PPM1H: variants seen among roughly 807,000 people sequenced by gnomAD.
The protein encoded by PPM1H is protein phosphatase, Mg2+/Mn2+ dependent 1H, also known as protein phosphatase 1H.
PPM1H carries 27 observed loss-of-function variants against 54.9 expected under a neutral mutation model. The ratio of observed to expected loss-of-function variants is 0.49; its 90% CI spans 0.36 to 0.68. The LOEUF is 0.68. Among genes scored for constraint, PPM1H ranks in the 30% least tolerant of loss-of-function variants. The probability of loss-of-function intolerance (pLI) is 0.00; values close to 1 mark genes in which losing one functional copy is unlikely to be tolerated. For synonymous variants in PPM1H, 305 were observed against 270.8 expected, an observed-to-expected ratio of 1.13 and a Z score of -1.24; for missense variants, 596 against 667.8, an observed-to-expected ratio of 0.89 and a Z score of 1.19.
At chr12:62,830,187 T>C (rs1461384286) in intron 2 of PPM1H, among the ~76,000 whole-genome samples, 1 of 152,240 alleles carries the variant, frequency 6.6e-6, no homozygotes, top group Non-Finnish European at 1.5e-5. Flanking sequence ...GGAGTTCATA[T>C]TTCCAATCAG....
intron 1 of PPM1H, among the ~76,000 whole-genome samples, chr12:62,891,104 CAAA>C (rs71450596): frequency 3.9e-5 from 3 of 76,102 alleles, no homozygotes; most frequent in Admixed American, 1.5e-4. Context: ...GCAAGACTCT[CAAA>C]AAAAAAAAAA....
chr12:62,709,959 A>C (rs1042228998), intron 6 of PPM1H, among the ~76,000 whole-genome samples: 1 of 151,986 alleles, frequency 6.6e-6, no homozygotes, highest in Non-Finnish European at 1.5e-5. Context: ...AATCCCAGCT[A>C]CTCGGGAGGC....
intron 4 of PPM1H, among the ~76,000 whole-genome samples, chr12:62,746,895 TG>T (rs1323417448): frequency 6.6e-6 from 1 of 152,254 alleles, no homozygotes; most frequent in Non-Finnish European, 1.5e-5. Context: ...ACTGTGTCAC[TG>T]GCTACAGCTA....
chr12:62,687,541 A>G lies in PPM1H; in HGVS notation c.1245+2158T>C, dbSNP rs115549599. The stretch of plus-strand genomic sequence containing the variant: ...GCTGGGATTACAGGTATGAGCCACC[A>G]TAGCCGGCCTTCTTGCAGTACTTTT... On this transcript the variant is annotated intron_variant, in intron 8 of 9. Transcript: ENST00000228705. Among the ~76,000 whole-genome samples, 1,358 of 149,828 alleles carry G rather than the reference A, an allele frequency of 9.1e-3. 25 individuals carry two copies. Among genetic ancestry groups the G allele is most frequent in the African/African-American group, 0.031 (1,282 of 40,874 alleles).
At chr12:62,655,534 G>T (rs1473100037) in intron 9 of PPM1H, among the ~76,000 whole-genome samples, 1 of 152,192 alleles carries the variant, frequency 6.6e-6, no homozygotes, top group East Asian at 1.9e-4. Flanking sequence ...GAACACAAGG[G>T]CATTTAGGTG....
chr12:62,852,228 CAAA>C (rs59673617), intron 1 of PPM1H, among the ~76,000 whole-genome samples: 23 of 60,402 alleles, frequency 3.8e-4, no homozygotes, highest in African/African-American at 1.3e-3. Flanking sequence ...GACTCTGTCT[CAAA>C]AAAAAAAAAA....
At chr12:62,663,787 C>T (rs997321831) in intron 9 of PPM1H, among the ~76,000 whole-genome samples, 7 of 152,178 alleles carry the variant, frequency 4.6e-5, no homozygotes, top group Admixed American at 2.6e-4. Flanking sequence ...AGGTTGGGAG[C>T]TCGAGACCAG....
chr12:62,743,217 G>A (rs1022232413), intron 4 of PPM1H, among the ~76,000 whole-genome samples: 2 of 152,078 alleles, frequency 1.3e-5, no homozygotes, highest in Admixed American at 6.5e-5. Context: ...GCTGGGTGTG[G>A]TGGCAGGCGC....
intron 1 of PPM1H, among the ~76,000 whole-genome samples, chr12:62,845,897 G>A (rs536780433): frequency 3.9e-5 from 6 of 152,182 alleles, no homozygotes; most frequent in South Asian, 4.1e-4. Context: ...TCCTTCTGGT[G>A]TTCTTTGTCT....
At chr12:62,849,159 G>A (rs1565808798) in intron 1 of PPM1H, among the ~76,000 whole-genome samples, 1 of 152,060 alleles carries the variant, frequency 6.6e-6, no homozygotes, top group Non-Finnish European at 1.5e-5. Context: ...AGGGGTACAG[G>A]GCATCTGGAT....
At chr12:62,897,596 T>G (rs951636845) in intron 1 of PPM1H, among the ~76,000 whole-genome samples, 2 of 152,138 alleles carry the variant, frequency 1.3e-5, no homozygotes, top group South Asian at 2.1e-4. Context: ...TGATGAAGCA[T>G]GTATGGGTAC....
At chr12:62,860,304 C>T (rs1018483813) in intron 1 of PPM1H, among the ~76,000 whole-genome samples, 1 of 152,130 alleles carries the variant, frequency 6.6e-6, no homozygotes, top group African/African-American at 2.4e-5. Context: ...GGGTCCCTCT[C>T]ATGACACATG....
At chr12:62,827,608 C>T (rs1382950045) in intron 2 of PPM1H, among the ~76,000 whole-genome samples, 3 of 152,190 alleles carry the variant, frequency 2.0e-5, no homozygotes, top group African/African-American at 7.2e-5. Flanking sequence ...TGCCAACCCT[C>T]CAAGAGACCA....
chr12:62,669,053 C>T (rs977496676), intron 8 of PPM1H, among the ~76,000 whole-genome samples: 5 of 152,268 alleles, frequency 3.3e-5, no homozygotes, highest in Non-Finnish European at 5.9e-5. Flanking sequence ...ATGAGCTGCG[C>T]TCAAGGGAGG....
chr12:62,759,427 C>T (rs968460889), intron 4 of PPM1H, among the ~76,000 whole-genome samples: 32 of 152,346 alleles, frequency 2.1e-4, no homozygotes, highest in African/African-American at 7.5e-4. Context: ...AATCTTGGCA[C>T]CACCCTTCAA....
At position 62,934,673 on chromosome 12, in the gene PPM1H, C is replaced by T. The variant is rs1872266274; in HGVS notation, c.64G>A (p.Gly22Ser). 1 of 1,606,060 alleles carries T rather than the reference C, an allele frequency of 6.2e-7. No individual in the cohort carries two copies. The highest frequency in any genetic ancestry group is 8.5e-7 in the Non-Finnish European group (1 of 1,177,232). ...CAGCTGCCGCCGCCGTGCTCGGAGC[C>T]TGAGCTGCCAGCCATGATGCCGCCC... ...FMGGIMAGSS[G>S]SEHGGGSCGG... The change falls in exon 1 of 10, where the codon GGC becomes AGC. Residue 22 changes from glycine (G) to serine (S), a missense_variant. Gly to Ser is a moderately conservative substitution (Grantham distance 56). Around this residue, in one of 3 missense-constraint regions of PPM1H, gnomAD observed 382 missense variants for 387.1 expected, o/e 0.99. Coordinates refer to ENST00000228705, the MANE Select transcript of PPM1H (RefSeq NM_020700.2). This position sits in a 1 kb window ranked among gnomAD's most constrained non-coding sequence, Gnocchi z 4.2.
At chr12:62,808,121 C>T (rs2076815946) in intron 2 of PPM1H, among the ~76,000 whole-genome samples, 1 of 152,204 alleles carries the variant, frequency 6.6e-6, no homozygotes, top group African/African-American at 2.4e-5. Flanking sequence ...TATGAGCCAC[C>T]GTGTCTGGCC....
intron 2 of PPM1H, among the ~76,000 whole-genome samples, chr12:62,803,447 A>T (rs1159711093): frequency 6.6e-6 from 1 of 152,240 alleles, no homozygotes; most frequent in African/African-American, 2.4e-5. Flanking sequence ...ACATTAGGGA[A>T]AGAAGAGTGT....
At chr12:62,725,714 G>C (rs2076286080) in intron 5 of PPM1H, among the ~76,000 whole-genome samples, 1 of 152,022 alleles carries the variant, frequency 6.6e-6, no homozygotes, top group Non-Finnish European at 1.5e-5. Flanking sequence ...TGATGGGTGA[G>C]GAAATCTTTT....
Sources: gnomAD v4.1 joint callset for allele counts (sites outside exome capture counted in the v4.1 genomes callset) on GRCh38, gnomAD v4.1.1 for gene constraint, gnomAD v4.1.1 regional missense constraint, Gnocchi (gnomAD v3.1) non-coding constraint, MANE v1.5 for transcripts, NCBI Gene and HGNC (gene_info 2026-07-23, HGNC 2026-07-21) for gene names.